UNC5B: variants seen among roughly 807,000 people sequenced by gnomAD.
UNC5B encodes unc-5 netrin receptor B, also known as netrin receptor UNC5B.
UNC5B carries 56 observed loss-of-function variants against 103.7 expected under a neutral mutation model. The ratio of observed to expected loss-of-function variants is 0.54; its 90% CI spans 0.44 to 0.67. The LOEUF is 0.67. UNC5B is among the 30% of genes least tolerant of loss of function. UNC5B has a pLI of 0.00. For synonymous variants in UNC5B, 577 were observed against 542.0 expected, an observed-to-expected ratio of 1.06 and a Z score of -0.90; for missense variants, 1,194 against 1,284.5, an observed-to-expected ratio of 0.93 and a Z score of 1.08.
In UNC5B at chr10:71,212,637, G is replaced by T. The variant is rs1843250120; in HGVS notation, c.-349G>T. On this transcript the variant is annotated 5_prime_UTR_variant, in exon 1 of 17. Transcript: ENST00000335350. ...ACGCAGCCGCGGGGCTCCGAGAGGC[G>T]CGCACTGGGGCTGGGACTGCGCGGC... The T allele has an allele frequency of 5.3e-6, 1 of 187,128 alleles. No individual in the cohort carries two copies. The allele number at this position is 187,128 out of a possible 1,614,324, so 11.6% of individuals were successfully genotyped here.
chr10:71,240,850 C>T (rs557155618), intron 1 of UNC5B, among the ~76,000 whole-genome samples: 1 of 152,344 alleles, frequency 6.6e-6, no homozygotes, highest in African/African-American at 2.4e-5. Context: ...ATGGGGCAGG[C>T]CCCTTGGTAC....
At chr10:71,227,383 A>G (rs368965420) in intron 1 of UNC5B, among the ~76,000 whole-genome samples, 5 of 151,988 alleles carry the variant, frequency 3.3e-5, no homozygotes, top group African/African-American at 9.7e-5. Flanking sequence ...ATGCAAAAGC[A>G]TAAGAATGAT....
intron 1 of UNC5B, among the ~76,000 whole-genome samples, chr10:71,252,399 C>T (rs994740370): frequency 3.9e-5 from 6 of 152,226 alleles, no homozygotes; most frequent in African/African-American, 7.2e-5. Flanking sequence ...ATAGCAGCCA[C>T]GCCCTCCACC....
chr10:71,281,542 G>A (rs1422167176), intron 2 of UNC5B, among the ~76,000 whole-genome samples: 4 of 152,124 alleles, frequency 2.6e-5, no homozygotes, highest in East Asian at 1.9e-4. Flanking sequence ...GGATTTCACC[G>A]TGTTAGCCAG....
chr10:71,291,913 C>T (rs1754114515), intron 10 of UNC5B, 92 bp downstream of exon 10: 1 of 1,455,070 alleles, frequency 6.9e-7, no homozygotes, highest in Non-Finnish European at 9.0e-7. Flanking sequence ...TAGGGCTGCC[C>T]TAATCCCATC....
chr10:71,218,107 C>T (rs1327512029), intron 1 of UNC5B: 2 of 78,326 alleles, frequency 2.6e-5, no homozygotes, highest in Non-Finnish European at 5.3e-5. Flanking sequence ...AGCAGGTGGG[C>T]GGAGGTGGGA....
chr10:71,272,232 T>C (rs1384276109), intron 1 of UNC5B, among the ~76,000 whole-genome samples: 2 of 152,120 alleles, frequency 1.3e-5, no homozygotes, highest in East Asian at 1.9e-4. Context: ...AAGACTGTGA[T>C]TGCTGATGAT....
intron 1 of UNC5B, among the ~76,000 whole-genome samples, chr10:71,248,524 T>C (rs935654664): frequency 3.3e-5 from 5 of 152,204 alleles, no homozygotes; most frequent in African/African-American, 9.7e-5. Context: ...AATTTAAATA[T>C]TTGGGCCTAA....
intron 1 of UNC5B, among the ~76,000 whole-genome samples, chr10:71,233,068 A>G (rs1275068417): frequency 6.6e-6 from 1 of 152,216 alleles, no homozygotes; most frequent in East Asian, 1.9e-4. Flanking sequence ...CTACTTCCAC[A>G]GCACTTGTCC....
chr10:71,248,113 A>C (rs1394859585), intron 1 of UNC5B, among the ~76,000 whole-genome samples: 1 of 152,108 alleles, frequency 6.6e-6, no homozygotes, highest in African/African-American at 2.4e-5. Context: ...GGAAGGAGAT[A>C]CTGGTTTCAC....
rs150891829 is a variant in UNC5B at position 71,284,716 on chromosome 10, C to T, written c.305-4C>T. On this transcript the variant is annotated splice_region_variant and splice_polypyrimidine_tract_variant and intron_variant, in intron 2 of 16. Coordinates refer to ENST00000335350, the MANE Select transcript of UNC5B (RefSeq NM_170744.5). ...CCCCTGACGGCTCTCTCTTCTCCTC[C>T]CAGGCCTGCGGGTGCGCGAGGTGCA... The T allele has an allele frequency of 3.1e-5, 50 of 1,613,500 alleles. No individual in the cohort carries two copies. Among genetic ancestry groups the T allele is most frequent in the Non-Finnish European group, 4.2e-5 (49 of 1,180,006 alleles).
chr10:71,282,635 G>T (rs1276981514), intron 2 of UNC5B, among the ~76,000 whole-genome samples: 1 of 152,152 alleles, frequency 6.6e-6, no homozygotes, highest in Non-Finnish European at 1.5e-5. Context: ...GGGCAGCCAT[G>T]GCAGGCAGGC....
chr10:71,232,399 G>T (rs1213369842), intron 1 of UNC5B, among the ~76,000 whole-genome samples: 1 of 152,252 alleles, frequency 6.6e-6, no homozygotes, highest in Non-Finnish European at 1.5e-5. Flanking sequence ...GAGGAGAGCC[G>T]ATTGCAGAGG....
chr10:71,219,856 G>A (rs1422767527), intron 1 of UNC5B, among the ~76,000 whole-genome samples: 1 of 152,194 alleles, frequency 6.6e-6, no homozygotes, highest in Non-Finnish European at 1.5e-5. Flanking sequence ...TAAGGCATGG[G>A]GCTTCCTGGG....
intron 1 of UNC5B, 151 bp from the exon 2 acceptor site, chr10:71,279,670 C>G (rs536637651): frequency 1.3e-6 from 1 of 751,830 alleles, no homozygotes; most frequent in East Asian, 2.7e-5. Flanking sequence ...GACTTGACCC[C>G]GGTTGCAGAT....
chr10:71,217,512 T>C (rs1349694298), intron 1 of UNC5B: 1 of 152,172 alleles, frequency 6.6e-6, no homozygotes, highest in Non-Finnish European at 1.5e-5. Context: ...GGGAGTTGGG[T>C]GGCGCTTGAT....
At position 71,296,048 on chromosome 10, in the gene UNC5B, C is replaced by G. The variant is rs1318970850; in HGVS notation, c.2325+88C>G. The G allele has an allele frequency of 4.7e-5, 73 of 1,569,612 alleles. No homozygotes were observed. In the Middle Eastern group the frequency reaches 1.2e-3, roughly 25 times the overall value. On this transcript the variant is annotated intron_variant, in intron 14 of 16. Coordinates refer to ENST00000335350, the MANE Select transcript of UNC5B (RefSeq NM_170744.5). ...CCCTCCCGGGCCCTGCCTCCTAGCT[C>G]TGTCCTGTGGCCTTACCCCTCCCTG... is the stretch of plus-strand genomic sequence containing the variant.
intron 15 of UNC5B, among the ~76,000 whole-genome samples, chr10:71,297,495 T>C (rs1047374066): frequency 1.3e-5 from 2 of 152,194 alleles, no homozygotes; most frequent in African/African-American, 4.8e-5. Context: ...CTTGGGGCAT[T>C]GTAAAGAGCA....
At position 71,286,739 on chromosome 10, in the gene UNC5B, C is replaced by G; in HGVS notation, c.603C>G (p.Asn201Lys). The G allele has an allele frequency of 6.2e-7, 1 of 1,614,250 alleles. No individual in the cohort carries two copies. Among genetic ancestry groups the G allele is most frequent in the South Asian group, 1.1e-5 (1 of 91,082 alleles). The change falls in exon 5 of 17, where the codon AAC becomes AAG. Residue 201 changes from asparagine (N) to lysine (K), a missense_variant. By Grantham distance (94) the Asn-to-Lys change is moderately conservative. Coordinates refer to ENST00000335350, the MANE Select transcript of UNC5B (RefSeq NM_170744.5). The stretch of plus-strand genomic sequence containing the variant: ...TCATCGACCCCACCCAGGACACCAA[C>G]TTCCTGCTCACCATCGACCACAACC... ...EDVIDPTQDT[N>K]FLLTIDHNLI...
Sources: allele counts gnomAD v4.1 joint callset (sites outside exome capture counted in the v4.1 genomes callset), GRCh38; gene constraint gnomAD v4.1.1; transcripts MANE v1.5; gene names NCBI Gene and HGNC (gene_info 2026-07-23, HGNC 2026-07-21).